Variants in ADGRL2 observed in about 807,000 individuals in gnomAD.
The protein encoded by ADGRL2 is calcium-independent alpha-latrotoxin receptor 2.
A neutral mutation model predicts 157.4 loss-of-function variants in ADGRL2; 44 were observed. That is an observed-to-expected ratio of 0.28 (90% CI 0.22 to 0.36). The LOEUF (loss-of-function observed/expected upper bound fraction) is 0.36. Ranked by LOEUF, ADGRL2 falls within the 10% of genes least tolerant of loss-of-function variation. ADGRL2 has a pLI of 1.00. For missense variants in ADGRL2, 1,510 were observed against 1,768.9 expected, an observed-to-expected ratio of 0.85 and a Z score of 2.63; for synonymous variants, 585 against 624.7, an observed-to-expected ratio of 0.94 and a Z score of 0.95.
intron 1 of ADGRL2, among the ~76,000 whole-genome samples, chr1:81,384,035 T>C (rs1208896993): frequency 6.6e-6 from 1 of 150,792 alleles, no homozygotes; most frequent in Admixed American, 6.6e-5. Flanking sequence ...TTTAACAAGG[T>C]CTATCCAAAC....
intron 3 of ADGRL2, among the ~76,000 whole-genome samples, chr1:81,582,952 T>G (rs2080947119): frequency 6.6e-6 from 1 of 152,136 alleles, no homozygotes; most frequent in East Asian, 1.9e-4. Flanking sequence ...CTCTCCCACA[T>G]CTGATTCATC....
Position 81,460,917 on chromosome 1 carries a change from T to C in ADGRL2, c.-248+15828T>C, listed in dbSNP as rs11583065. 2.9e-3 allele frequency among the ~76,000 whole-genome samples: 440 copies of C among 152,328 alleles called. 4 individuals are homozygous for C. The highest frequency in any genetic ancestry group is 0.017 in the Middle Eastern group (5 of 294). On this transcript the variant is annotated intron_variant, in intron 2 of 24. Coordinates refer to the ADGRL2 transcript ENST00000370721. ...GCATGTCTCTGTCAAGTGTACATTT[T>C]ATATTTGTTTAAAGGAAACAGCAGT...
At chr1:81,882,015 T>C (rs564319425) in intron 2 of ADGRL2, among the ~76,000 whole-genome samples, 1 of 152,196 alleles carries the variant, frequency 6.6e-6, no homozygotes, top group Non-Finnish European at 1.5e-5. Flanking sequence ...CCTCTCTTCT[T>C]TCCTGGTATG....
At chr1:81,705,041 C>T (rs1162501) in intron 1 of ADGRL2, among the ~76,000 whole-genome samples, 52,622 of 151,924 alleles carry the variant, frequency 0.35, 9,277 homozygotes, top group Admixed American at 0.41. Context: ...TTGTTGTTTT[C>T]TTTTAATTTT....
At chr1:81,553,998 C>T (rs2080212834) in intron 2 of ADGRL2, among the ~76,000 whole-genome samples, 1 of 152,200 alleles carries the variant, frequency 6.6e-6, no homozygotes, top group Admixed American at 6.5e-5. Context: ...GATATCCACA[C>T]AAGTTTGGAG....
intron 1 of ADGRL2, among the ~76,000 whole-genome samples, chr1:81,808,013 G>GA (rs545804847): frequency 4.0e-5 from 6 of 149,476 alleles, no homozygotes; most frequent in East Asian, 2.0e-4. Context: ...TTATCTAAAG[G>GA]AAAAAAAAAG....
chr1:81,884,571 G>C (rs2094077918), intron 2 of ADGRL2, among the ~76,000 whole-genome samples: 1 of 152,112 alleles, frequency 6.6e-6, no homozygotes, highest in African/African-American at 2.4e-5. Context: ...ATTGAACAAA[G>C]CAAAACACTA....
In ADGRL2 at chr1:81,537,633, T is replaced by G. The variant is rs189460983; in HGVS notation, c.-247-43243T>G. ...AGCATTTTATCTTTACTAAAAGTAC[T>G]GCTATTTTTCCAATTCCCAAGTTTC... On this transcript the variant is annotated intron_variant, in intron 2 of 24. Transcript: ENST00000370721. Among the ~76,000 whole-genome samples the G allele has an allele frequency of 1.9e-3, 293 of 152,226 alleles. 2 individuals carry two copies. The highest frequency in any genetic ancestry group is 6.9e-3 in the African/African-American group (288 of 41,562).
At position 81,819,271 on chromosome 1, in the gene ADGRL2, G is replaced by A. The variant is rs553354686; in HGVS notation, c.-100-17614G>A. ...TAGAATTTGGCATTTGATTGAATGC[G>A]AGGTAAAGGAGGAGCAAAGAATCAA... is the stretch of plus-strand genomic sequence containing the variant. On this transcript the variant is annotated intron_variant, in intron 1 of 23. Transcript: ENST00000686636. Among the ~76,000 whole-genome samples, 4 of 152,152 alleles carry A rather than the reference G, an allele frequency of 2.6e-5. No individual in the cohort carries two copies. The South Asian group carries it at 6.2e-4, about 24-fold the overall frequency.
intron 11 of ADGRL2, among the ~76,000 whole-genome samples, chr1:81,963,197 T>C (rs1179737367): frequency 1.3e-5 from 2 of 152,052 alleles, no homozygotes; most frequent in Non-Finnish European, 2.9e-5. Context: ...AATATCACTT[T>C]TAAAATTACA....
At chr1:81,923,607 A>G (rs1288221148) in intron 3 of ADGRL2, among the ~76,000 whole-genome samples, 1 of 152,110 alleles carries the variant, frequency 6.6e-6, no homozygotes, top group African/African-American at 2.4e-5. Context: ...AAATTTCTGT[A>G]GTTTTTATTA....
chr1:81,950,894 G>A, intron 7 of ADGRL2, 124 bp from the exon 8 acceptor site: 1 of 661,850 alleles, frequency 1.5e-6, no homozygotes, highest in Non-Finnish European at 2.8e-6. Context: ...GTCACTTATT[G>A]TCAAATACTT....
chr1:81,589,887 A>G (rs894446838), intron 3 of ADGRL2, among the ~76,000 whole-genome samples: 1 of 152,176 alleles, frequency 6.6e-6, no homozygotes, highest in African/African-American at 2.4e-5. Flanking sequence ...GACTAGAAAA[A>G]TGATCATTAA....
chr1:81,349,720 A>G (rs1017606403), intron 1 of ADGRL2, among the ~76,000 whole-genome samples: 1 of 151,868 alleles, frequency 6.6e-6, no homozygotes, highest in Admixed American at 6.6e-5. Context: ...CAGCACGTCC[A>G]TGCTTGACTG....
rs950580909 is a variant in ADGRL2 at position 81,684,084 on chromosome 1, G to A, written c.-142-77727G>A. On this transcript the variant is annotated intron_variant, in intron 3 of 24. Coordinates refer to the ADGRL2 transcript ENST00000370721. ...CCTGCCTCAGCCTCCCGAAGTGCTG[G>A]GATTACAGGCGTGAGCCACTGCGCC... Among the ~76,000 whole-genome samples the A allele has an allele frequency of 8.5e-5, 13 of 152,250 alleles. 1 individual carries two copies. The highest frequency in any genetic ancestry group is 2.4e-4 in the African/African-American group (10 of 41,552).
chr1:81,383,815 A>C (rs1053605593), intron 1 of ADGRL2, among the ~76,000 whole-genome samples: 15 of 139,580 alleles, frequency 1.1e-4, no homozygotes, highest in African/African-American at 4.0e-4. Context: ...ATACAAAAAA[A>C]AAAAAAAAAA....
At chr1:81,713,636 C>A (rs1214516728) in intron 1 of ADGRL2, among the ~76,000 whole-genome samples, 1 of 152,126 alleles carries the variant, frequency 6.6e-6, no homozygotes, top group African/African-American at 2.4e-5. Flanking sequence ...TGTGTATGTA[C>A]CCAGACATAA....
intron 2 of ADGRL2, among the ~76,000 whole-genome samples, chr1:81,864,361 TTAGAA>T (rs2093474256): frequency 7.7e-6 from 1 of 129,714 alleles, no homozygotes; most frequent in African/African-American, 2.6e-5. Context: ...TATTTCTGAT[TTAGAA>T]AAAAATTGAT....
At chr1:81,510,015 G>T (rs1287522345) in intron 2 of ADGRL2, among the ~76,000 whole-genome samples, 2 of 152,170 alleles carry the variant, frequency 1.3e-5, no homozygotes, top group African/African-American at 4.8e-5. Context: ...TTTGTTATAT[G>T]TTTAGTTTAT....
Sources: gnomAD v4.1 joint callset for allele counts (sites outside exome capture counted in the v4.1 genomes callset) on GRCh38, gnomAD v4.1.1 for gene constraint, MANE v1.5 for transcripts, NCBI Gene and HGNC (gene_info 2026-07-23, HGNC 2026-07-21) for gene names.